Variants in NAV1 observed in about 807,000 individuals in gnomAD.
NAV1 encodes neuron navigator 1, also known as pore membrane and/or filament interacting like protein 3.
NAV1 carries 18 observed loss-of-function variants against 175.2 expected under a neutral mutation model. The ratio of observed to expected loss-of-function variants is 0.10; its 90% CI spans 0.07 to 0.15. The LOEUF is 0.15. Among genes scored for constraint, NAV1 ranks in the 10% least tolerant of loss-of-function variants. The pLI is 1.00. For synonymous variants in NAV1, 897 were observed against 978.7 expected (o/e 0.92, Z 1.56); for missense variants, 1,731 against 2,436.6 (o/e 0.71, Z 6.10).
intron 2 of NAV1, among the ~76,000 whole-genome samples, chr1:201,608,676 G>T (rs1667761597): frequency 6.6e-6 from 1 of 152,020 alleles, no homozygotes; most frequent in African/African-American, 2.4e-5. Context: ...GGGCAGCTAC[G>T]CCCTGGAGCC....
intron 1 of NAV1, among the ~76,000 whole-genome samples, chr1:201,669,448 C>G (rs1034064731): frequency 9.9e-5 from 15 of 151,540 alleles, no homozygotes; most frequent in Non-Finnish European, 2.1e-4. Context: ...AGAAGGCCAC[C>G]GAGGTGGCAG....
At chr1:201,690,685 G>A (rs550378635) in intron 1 of NAV1, among the ~76,000 whole-genome samples, 15 of 144,846 alleles carry the variant, frequency 1.0e-4, no homozygotes, top group African/African-American at 3.4e-4. Context: ...TGGCCTGTCC[G>A]TGGCAGTGTG....
At chr1:201,749,110 T>C (rs1673946082) in intron 3 of NAV1, among the ~76,000 whole-genome samples, 1 of 152,180 alleles carries the variant, frequency 6.6e-6, no homozygotes, top group African/African-American at 2.4e-5. Flanking sequence ...ATCATGCCAC[T>C]GCACTCCAGC....
intron 1 of NAV1, among the ~76,000 whole-genome samples, chr1:201,708,886 C>T (rs990487956): frequency 6.6e-6 from 1 of 152,122 alleles, no homozygotes; most frequent in Non-Finnish European, 1.5e-5. Flanking sequence ...CGATGGCACA[C>T]ACCTGTAATC....
intron 3 of NAV1, among the ~76,000 whole-genome samples, chr1:201,746,020 G>A (rs1184580666): frequency 1.3e-5 from 2 of 151,652 alleles, no homozygotes; most frequent in African/African-American, 2.4e-5. Context: ...TAGAGGCCGG[G>A]TTTTGCCGTG....
At chr1:201,606,400 C>A (rs969622830) in intron 2 of NAV1, among the ~76,000 whole-genome samples, 1 of 152,206 alleles carries the variant, frequency 6.6e-6, no homozygotes, top group African/African-American at 2.4e-5. Context: ...CCCACCCAAC[C>A]ATGCTATTTT....
Position 201,782,214 on chromosome 1 carries a change from G to A in NAV1, c.1702G>A (p.Ala568Thr), listed in dbSNP as rs771555179. Residue 568 changes from alanine (A) to threonine (T), a missense_variant, in exon 6 of 30, where the codon GCA (alanine) becomes ACA (threonine). By Grantham distance (58) the Ala-to-Thr change is moderately conservative. Around this residue, in one of 13 missense-constraint regions of NAV1, gnomAD observed 634 missense variants for 766.8 expected, o/e 0.83. Transcript: ENST00000367296. This position sits in a 1 kb window ranked among gnomAD's most constrained non-coding sequence, Gnocchi z 5.4. ...CAAAGCTACAGACAAGGGTAAGCTT[G>A]CAGTGAAGAATACTGGGCTCCAACG... The A allele has an allele frequency of 3.7e-6, 6 of 1,610,548 alleles. No individual in the cohort carries two copies. In the African/African-American group the frequency reaches 6.7e-5, roughly 18 times the overall value.
In NAV1 at chr1:201,642,914, C is replaced by T. The variant is rs972517318; in HGVS notation, c.5-5720C>T. Among the ~76,000 whole-genome samples the T allele has an allele frequency of 4.6e-5, 7 of 151,932 alleles. No homozygotes were observed. In the East Asian group the frequency reaches 9.7e-4, roughly 21 times the overall value. On this transcript the variant is annotated intron_variant, in intron 2 of 29. Transcript: ENST00000367302. ...CCTCCCAAGTAGCTGGGACTACAGG[C>T]GCCCACCACCACACCTAGCTAATTT...
In NAV1 at chr1:201,734,541, A is replaced by G. The variant is rs191383828; in HGVS notation, c.1226+15786A>G. 1.4e-4 allele frequency among the ~76,000 whole-genome samples: 22 copies of G among 152,242 alleles called. No individual in the cohort carries two copies. The East Asian group carries it at 4.1e-3, about 28-fold the overall frequency. On this transcript the variant is annotated intron_variant, in intron 3 of 29. Coordinates refer to ENST00000367296, the Ensembl canonical transcript of NAV1. ...GAAGAAGAAGAAGAAGATCATTTAC[A>G]GTACTTTCTCAATACATTGTATGAG... is the stretch of plus-strand genomic sequence containing the variant.
chr1:201,602,677 T>C (rs1326456607), intron 2 of NAV1, among the ~76,000 whole-genome samples: 86 of 148,878 alleles, frequency 5.8e-4, no homozygotes, highest in African/African-American at 2.1e-3. Context: ...GTTTTTTTTT[T>C]ACCATGAGCT....
exon 1 of NAV1, chr1:201,648,357 T>G: frequency 8.5e-7 from 1 of 1,181,388 alleles, no homozygotes. Flanking sequence ...TTTGACTGAT[T>G]TTTAAATTTT....
At chr1:201,589,991 C>T (rs1464293216) in intron 2 of NAV1, among the ~76,000 whole-genome samples, 1 of 152,176 alleles carries the variant, frequency 6.6e-6, no homozygotes, top group Non-Finnish European at 1.5e-5. Context: ...CTCCCAGGTT[C>T]AAGCAATTCT....
chr1:201,691,047 C>CG (rs1484659941), intron 1 of NAV1, among the ~76,000 whole-genome samples: 2 of 152,180 alleles, frequency 1.3e-5, no homozygotes, highest in African/African-American at 2.4e-5. Flanking sequence ...TTAATGTTAA[C>CG]GGTTCAGCAC....
At chr1:201,820,132 CG>C (rs992727981) in exon 30 of NAV1, 1 of 546,872 alleles carries the variant, frequency 1.8e-6, no homozygotes, top group African/African-American at 1.9e-5. Flanking sequence ...GGTGGGGTGG[CG>C]TTTGGGAACT....
chr1:201,766,820 G>GT (rs1373934188), intron 3 of NAV1, among the ~76,000 whole-genome samples: 6 of 151,938 alleles, frequency 3.9e-5, no homozygotes, highest in Admixed American at 2.0e-4. Context: ...TACTTTTTTT[G>GT]TTTTTTTGGT....
Position 201,785,435 on chromosome 1 carries a change from C to T in NAV1, c.2846+84C>T, listed in dbSNP as rs532470098. 457 of 1,413,156 alleles carry T rather than the reference C, an allele frequency of 3.2e-4. 4 individuals carry two copies. In the South Asian group the frequency reaches 5.2e-3, roughly 16 times the overall value. The allele number at this position is 1,413,156 out of a possible 1,614,324, so 87.5% of individuals were successfully genotyped here. A position where few individuals can be genotyped will look rare whatever the true frequency, so the allele number is the denominator to read the frequency against. On this transcript the variant is annotated intron_variant, in intron 8 of 29. Coordinates refer to ENST00000367296, the Ensembl canonical transcript of NAV1. ...ATCATATCTCAACCTGTCCAAGGCT[C>T]CAGTCATGAATTTAGTCACCCTTTT...
intron 3 of NAV1, among the ~76,000 whole-genome samples, chr1:201,732,018 G>A (rs927726897): frequency 6.6e-6 from 1 of 152,200 alleles, no homozygotes; most frequent in African/African-American, 2.4e-5. Context: ...TGCTCCCTGT[G>A]TGAGGTTCCA....
chr1:201,654,135 G>A lies in NAV1; in HGVS notation c.757+4710G>A, dbSNP rs549680552. ...CTAGGGGCAGTTCCTCTGCCCTGGG[G>A]AGAAGGTACAGATGGAGGAGAAGTA... On this transcript the variant is annotated intron_variant, in intron 1 of 29. Coordinates refer to ENST00000367296, the Ensembl canonical transcript of NAV1. 2.0e-5 allele frequency among the ~76,000 whole-genome samples: 3 copies of A among 152,250 alleles called. No homozygotes were observed. The East Asian group carries it at 5.8e-4, about 29-fold the overall frequency.
At chr1:201,752,707 G>C (rs923810977) in intron 3 of NAV1, among the ~76,000 whole-genome samples, 2 of 152,130 alleles carry the variant, frequency 1.3e-5, no homozygotes, top group East Asian at 3.9e-4. Context: ...TGAGGAGAAG[G>C]AGACAGAGAG....
Sources: gnomAD v4.1 joint callset for allele counts (sites outside exome capture counted in the v4.1 genomes callset) on GRCh38, gnomAD v4.1.1 for gene constraint, gnomAD v4.1.1 regional missense constraint, Gnocchi (gnomAD v3.1) non-coding constraint, MANE v1.5 for transcripts, NCBI Gene and HGNC (gene_info 2026-07-23, HGNC 2026-07-21) for gene names.